The following ARB2A variants were observed in gnomAD, a reference collection of about 807,000 sequenced individuals.
ARB2A encodes cotranscriptional regulator ARB2A.
At chr5:93,987,783 C>T in the ARB2A span, among the ~76,000 whole-genome samples, 6 of 152,176 alleles carry the variant, frequency 3.9e-5, no homozygotes, top group African/African-American at 1.4e-4. Context: ...ACCCTTTCTT[C>T]CCAATAACCA....
the ARB2A span, among the ~76,000 whole-genome samples, chr5:93,873,960 A>G: frequency 6.6e-6 from 1 of 152,220 alleles, no homozygotes. Flanking sequence ...CATGAAAGGC[A>G]AAGGGAATGT....
At chr5:93,955,966 A>G in the ARB2A span, among the ~76,000 whole-genome samples, 5 of 152,244 alleles carry the variant, frequency 3.3e-5, no homozygotes, top group Non-Finnish European at 5.9e-5. Flanking sequence ...AGAAACAAGT[A>G]TGAGTAACTC....
At chr5:94,015,343 A>G in the ARB2A span, among the ~76,000 whole-genome samples, 1 of 152,220 alleles carries the variant, frequency 6.6e-6, no homozygotes, top group African/African-American at 2.4e-5. Flanking sequence ...TCGTAGACAA[A>G]CAAAAGCTGA....
At chr5:93,659,118 C>G in the ARB2A span, among the ~76,000 whole-genome samples, 2 of 151,928 alleles carry the variant, frequency 1.3e-5, no homozygotes, top group Non-Finnish European at 2.9e-5. Context: ...AGTTGGAGTT[C>G]TCTAGAAAAC....
the ARB2A span, among the ~76,000 whole-genome samples, chr5:94,039,682 T>C: frequency 6.6e-6 from 1 of 152,174 alleles, no homozygotes; most frequent in Non-Finnish European, 1.5e-5. Flanking sequence ...CCGAATTCTT[T>C]CTTGTGCAAG....
At chr5:93,943,325 TC>T in the ARB2A span, among the ~76,000 whole-genome samples, 2 of 152,100 alleles carry the variant, frequency 1.3e-5, no homozygotes, top group Admixed American at 6.5e-5. Flanking sequence ...AATAAGTATC[TC>T]TTTAATTTTC....
chr5:94,034,879 T>C, the ARB2A span, among the ~76,000 whole-genome samples: 1 of 152,154 alleles, frequency 6.6e-6, no homozygotes, highest in African/African-American at 2.4e-5. Context: ...GTCAGATCAG[T>C]GGCAGCATAA....
chr5:93,705,750 T>C, the ARB2A span, among the ~76,000 whole-genome samples: 1 of 151,928 alleles, frequency 6.6e-6, no homozygotes, highest in African/African-American at 2.4e-5. Context: ...TAAGCAACTA[T>C]TGGTCAGAGA....
the ARB2A span, among the ~76,000 whole-genome samples, chr5:94,061,849 A>G: frequency 1.1e-4 from 16 of 152,240 alleles, no homozygotes; most frequent in Non-Finnish European, 1.5e-4. Flanking sequence ...TATTATAGAT[A>G]TCAATTCTCC....
At chr5:93,886,928 C>G in the ARB2A span, among the ~76,000 whole-genome samples, 1 of 151,720 alleles carries the variant, frequency 6.6e-6, no homozygotes, top group Non-Finnish European at 1.5e-5. Context: ...TATGGACCAA[C>G]ATAGATTATC....
At chr5:93,779,692 G>A in the ARB2A span, among the ~76,000 whole-genome samples, 2 of 152,114 alleles carry the variant, frequency 1.3e-5, no homozygotes, top group African/African-American at 2.4e-5. Context: ...GGGACAGATC[G>A]CATGACTAAT....
At chr5:93,821,585 C>T in the ARB2A span, among the ~76,000 whole-genome samples, 2 of 151,878 alleles carry the variant, frequency 1.3e-5, no homozygotes, top group South Asian at 2.1e-4. Context: ...TATTTTAACA[C>T]CATGAGTTTT....
the ARB2A span, among the ~76,000 whole-genome samples, chr5:93,932,215 C>T: frequency 4.6e-5 from 7 of 152,190 alleles, no homozygotes; most frequent in South Asian, 1.5e-3. Flanking sequence ...AATTTGCTGT[C>T]ATATTTTCAG....
the ARB2A span, chr5:93,741,398 G>A: frequency 6.2e-7 from 1 of 1,613,302 alleles, no homozygotes; most frequent in Non-Finnish European, 8.5e-7. Context: ...TCAGGGCCTG[G>A]GCAGATCCCT....
At chr5:93,624,744 A>G in the ARB2A span, among the ~76,000 whole-genome samples, 3 of 152,268 alleles carry the variant, frequency 2.0e-5, no homozygotes, top group African/African-American at 7.2e-5. Flanking sequence ...AAGGACAGGG[A>G]TAGTGGATAT....
the ARB2A span, among the ~76,000 whole-genome samples, chr5:93,669,733 G>A: frequency 6.6e-6 from 1 of 152,150 alleles, no homozygotes; most frequent in Non-Finnish European, 1.5e-5. Context: ...GGTGTACACA[G>A]CCTGTTAGTC....
chr5:94,050,392 C>T, the ARB2A span, among the ~76,000 whole-genome samples: 1 of 151,562 alleles, frequency 6.6e-6, no homozygotes, highest in Non-Finnish European at 1.5e-5. Context: ...GTAGCTGGGA[C>T]TACACGCGCA....
chr5:93,885,001 C>T, the ARB2A span, among the ~76,000 whole-genome samples: 1 of 151,464 alleles, frequency 6.6e-6, no homozygotes. Flanking sequence ...GCCATGTCAA[C>T]ATCAATATAT....
At chr5:93,927,955 A>G in the ARB2A span, among the ~76,000 whole-genome samples, 2 of 152,140 alleles carry the variant, frequency 1.3e-5, no homozygotes, top group Non-Finnish European at 2.9e-5. Context: ...TAGACATCGT[A>G]GCTCAGCTTC....
Sources: allele counts gnomAD v4.1 joint callset (sites outside exome capture counted in the v4.1 genomes callset), GRCh38; gene constraint gnomAD v4.1.1; transcripts MANE v1.5; gene names NCBI Gene and HGNC (gene_info 2026-07-23, HGNC 2026-07-21).